Variants in CSMD1 observed in about 807,000 individuals in gnomAD.
CSMD1 encodes CUB and Sushi multiple domains 1, also known as CUB and sushi domain-containing protein 1.
Under a neutral mutation model 417.5 loss-of-function variants are expected in CSMD1, and 213 were observed. The ratio of observed to expected loss-of-function variants is 0.51; its 90% CI spans 0.46 to 0.57. The LOEUF is 0.57. Ranked by LOEUF, CSMD1 falls within the 20% of genes least tolerant of loss-of-function variation. CSMD1 has a pLI of 0.00. For missense variants in CSMD1, 6,923 were observed against 4,529.7 expected (o/e 1.53, Z -15.17); for synonymous variants, 2,862 against 1,736.8 (o/e 1.65, Z -16.11).
chr8:4,905,826 AAAAAAAAAG>A (rs1007466933), intron 1 of CSMD1, among the ~76,000 whole-genome samples: 7 of 146,808 alleles, frequency 4.8e-5, no homozygotes, highest in Admixed American at 1.4e-4. Context: ...TCTCAAAAAA[AAAAAAAAAG>A]AAAAAAAGAA....
intron 12 of CSMD1, among the ~76,000 whole-genome samples, chr8:3,446,293 A>G (rs1395123128): frequency 6.6e-6 from 1 of 152,232 alleles, no homozygotes; most frequent in African/African-American, 2.4e-5. Context: ...TTGTAAAATT[A>G]GTTTTCTTTA....
At chr8:3,649,874 A>C (rs1456977901) in intron 7 of CSMD1, among the ~76,000 whole-genome samples, 1 of 152,194 alleles carries the variant, frequency 6.6e-6, no homozygotes, top group East Asian at 1.9e-4. Context: ...ACCTATGTAC[A>C]CATTTTTTTG....
rs532761563 is a variant in CSMD1 at position 3,985,654 on chromosome 8, T to C, written c.818+12249A>G. ...CAGAACCGTTGCACTCACAGAAGCT[T>C]GCTAGGTTGATGCTAGAATTCTCAT... On this transcript the variant is annotated intron_variant, in intron 5 of 69. Coordinates refer to ENST00000635120, the MANE Select transcript of CSMD1 (RefSeq NM_033225.6). Among the ~76,000 whole-genome samples the C allele has an allele frequency of 5.5e-4, 83 of 152,248 alleles. 1 individual carries two copies. The highest frequency in any genetic ancestry group is 1.9e-3 in the African/African-American group (81 of 41,550).
chr8:2,938,772 G>A, intron 69 of CSMD1, 28 bp from the exon 70 acceptor site: 1 of 1,574,392 alleles, frequency 6.4e-7, no homozygotes, highest in Non-Finnish European at 8.6e-7. Flanking sequence ...CAAATCATTA[G>A]AATCCTGGTT....
At chr8:4,379,483 T>C (rs182641799) in intron 3 of CSMD1, among the ~76,000 whole-genome samples, 39 of 152,306 alleles carry the variant, frequency 2.6e-4, no homozygotes, top group Non-Finnish European at 4.3e-4. Context: ...GTTTTGACAA[T>C]TGCATTCTGG....
chr8:4,088,944 C>G (rs771950526), intron 3 of CSMD1, among the ~76,000 whole-genome samples: 1 of 152,170 alleles, frequency 6.6e-6, no homozygotes, highest in Non-Finnish European at 1.5e-5. Flanking sequence ...AAGGTCTTTC[C>G]TGAATTCCAC....
chr8:4,488,904 CA>C (rs1801557512), intron 2 of CSMD1, among the ~76,000 whole-genome samples: 1 of 152,142 alleles, frequency 6.6e-6, no homozygotes, highest in Non-Finnish European at 1.5e-5. Flanking sequence ...ATGCCTTCAG[CA>C]ATTACTAAAC....
chr8:4,022,812 A>G (rs969165159), intron 4 of CSMD1, among the ~76,000 whole-genome samples: 1 of 152,186 alleles, frequency 6.6e-6, no homozygotes, highest in African/African-American at 2.4e-5. Context: ...TAAGTTAGAG[A>G]AACAATTCAG....
At chr8:3,535,970 G>C (rs1798180236) in intron 10 of CSMD1, among the ~76,000 whole-genome samples, 1 of 152,128 alleles carries the variant, frequency 6.6e-6, no homozygotes, top group African/African-American at 2.4e-5. Flanking sequence ...ATATGACAGA[G>C]GGCCATCCAG....
Position 3,289,401 on chromosome 8 carries a change from C to T in CSMD1, c.3951-5055G>A, listed in dbSNP as rs1362109034. On this transcript the variant is annotated intron_variant, in intron 25 of 69. Coordinates refer to ENST00000635120, the MANE Select transcript of CSMD1 (RefSeq NM_033225.6). ...GTTCTAGATCCCTGAGGAATCGCCA[C>T]ACTGACTTCACAATGGTTGAACTAG... is the stretch of plus-strand genomic sequence containing the variant. 3.4e-5 allele frequency among the ~76,000 whole-genome samples: 5 copies of T among 147,376 alleles called. 1 individual carries two copies. Among genetic ancestry groups the T allele is most frequent in the African/African-American group, 1.3e-4 (5 of 37,072 alleles).
At chr8:3,206,224 CTGTGTGTGTGTGTA>C (rs1172257998) in intron 30 of CSMD1, among the ~76,000 whole-genome samples, 13 of 117,504 alleles carry the variant, frequency 1.1e-4, no homozygotes, top group Admixed American at 3.7e-4. Context: ...GTGTGTGTGT[CTGTGTGTGTGTGTA>C]TGTGTGTGGG....
chr8:4,444,376 A>AAT (rs1798659965), intron 2 of CSMD1, among the ~76,000 whole-genome samples: 1 of 142,354 alleles, frequency 7.0e-6, no homozygotes, highest in Non-Finnish European at 1.5e-5. Context: ...AAAAAAAAAA[A>AAT]GCAGAGGTTC....
intron 5 of CSMD1, among the ~76,000 whole-genome samples, chr8:3,873,247 T>C (rs114921645): frequency 0.032 from 4,928 of 152,144 alleles, 98 homozygotes; most frequent in Middle Eastern, 0.078. Context: ...TAAAGACACA[T>C]GCAGGTGTAT....
intron 12 of CSMD1, among the ~76,000 whole-genome samples, chr8:3,447,205 C>G (rs369134480): frequency 1.3e-5 from 2 of 152,126 alleles, no homozygotes; most frequent in Non-Finnish European, 2.9e-5. Context: ...AAATGATGAA[C>G]CAGCATGCGT....
At chr8:3,937,983 T>C (rs771621376) in intron 5 of CSMD1, among the ~76,000 whole-genome samples, 3 of 152,202 alleles carry the variant, frequency 2.0e-5, no homozygotes, top group African/African-American at 4.8e-5. Flanking sequence ...TTATATCACA[T>C]GAATTTCAAA....
At chr8:3,617,237 T>C (rs1042757583) in intron 7 of CSMD1, among the ~76,000 whole-genome samples, 2 of 152,210 alleles carry the variant, frequency 1.3e-5, no homozygotes, top group African/African-American at 4.8e-5. Context: ...TAAATAACAT[T>C]ATGTATATTT....
intron 3 of CSMD1, among the ~76,000 whole-genome samples, chr8:4,103,821 C>G (rs1010897198): frequency 7.9e-5 from 12 of 152,204 alleles, no homozygotes; most frequent in Admixed American, 7.2e-4. Flanking sequence ...CCATGACAGC[C>G]TCTTCATAAA....
intron 5 of CSMD1, chr8:3,949,977 G>A (rs1402116580): frequency 2.2e-6 from 1 of 455,798 alleles, no homozygotes; most frequent in African/African-American, 2.0e-5. Flanking sequence ...CGTGTCTCCA[G>A]GCTTGCATGA....
intron 5 of CSMD1, among the ~76,000 whole-genome samples, chr8:3,773,242 C>T (rs574291622): frequency 6.6e-6 from 1 of 152,114 alleles, no homozygotes; most frequent in Non-Finnish European, 1.5e-5. Flanking sequence ...GTGAAACTAG[C>T]TTGTGTTTTA....
Sources: allele counts gnomAD v4.1 joint callset (sites outside exome capture counted in the v4.1 genomes callset), GRCh38; gene constraint gnomAD v4.1.1; transcripts MANE v1.5; gene names NCBI Gene and HGNC (gene_info 2026-07-23, HGNC 2026-07-21).